Variants in ZDHHC3 observed in about 807,000 individuals in gnomAD.
ZDHHC3 encodes zDHHC palmitoyltransferase 3, also known as palmitoyltransferase ZDHHC3.
In ZDHHC3, 9 loss-of-function variants were observed where a neutral mutation model predicts 30.6. The observed-to-expected ratio is 0.29, with a 90% confidence interval of 0.18 to 0.51. The LOEUF (loss-of-function observed/expected upper bound fraction) is 0.51, where lower values mean the gene tolerates loss of function less well. ZDHHC3 is among the 20% of genes least tolerant of loss of function. The pLI is 0.97. For synonymous variants in ZDHHC3, 136 were observed against 140.2 expected (o/e 0.97, Z 0.21); for missense variants, 246 against 384.2 (o/e 0.64, Z 3.01).
chr3:44,930,477 C>G (rs1358104500), intron 5 of ZDHHC3, among the ~76,000 whole-genome samples: 2 of 152,194 alleles, frequency 1.3e-5, no homozygotes, highest in African/African-American at 4.8e-5. Flanking sequence ...TGGTTTATTT[C>G]TCGTTGCTTC....
chr3:44,926,864 T>C lies in ZDHHC3; in HGVS notation c.742-17A>G. On this transcript the variant is annotated splice_polypyrimidine_tract_variant and intron_variant, in intron 6 of 6. Transcript: ENST00000424952. ...TTCTATTCCCTGAAAACAAGAACAA[T>C]CATACTTTCAGTCAAGCACTGCATT... 6.3e-7 allele frequency: 1 copy of C among 1,592,872 alleles called. No homozygotes were observed. The highest frequency in any genetic ancestry group is 2.2e-5 in the East Asian group (1 of 44,650).
intron 2 of ZDHHC3, among the ~76,000 whole-genome samples, chr3:44,951,558 G>A (rs1266952863): frequency 1.3e-5 from 2 of 152,096 alleles, no homozygotes; most frequent in African/African-American, 2.4e-5. Context: ...CTGGACTCAC[G>A]GGTACCCACT....
chr3:44,941,081 T>C (rs1007405553), intron 3 of ZDHHC3, among the ~76,000 whole-genome samples: 9 of 152,114 alleles, frequency 5.9e-5, no homozygotes, highest in African/African-American at 2.2e-4. Flanking sequence ...AAGGGTCAGC[T>C]GAATGAAGTC....
intron 3 of ZDHHC3, among the ~76,000 whole-genome samples, chr3:44,941,310 T>C (rs1702421684): frequency 6.6e-6 from 1 of 152,078 alleles, no homozygotes; most frequent in Admixed American, 6.6e-5. Flanking sequence ...AGAAACGATT[T>C]TGGGAAGGAC....
intron 3 of ZDHHC3, among the ~76,000 whole-genome samples, chr3:44,936,857 CATAAA>C (rs1252788642): frequency 1.3e-5 from 2 of 149,762 alleles, no homozygotes; most frequent in African/African-American, 2.5e-5. Context: ...TACCCCCGAA[CATAAA>C]ATAAAAGTTA....
In ZDHHC3 at chr3:44,926,217, T is replaced by C. The variant is rs1700975428; in HGVS notation, c.*472A>G. 2 of 986,096 alleles carry C rather than the reference T, an allele frequency of 2.0e-6. No homozygotes were observed. The highest frequency in any genetic ancestry group is 2.4e-6 in the Non-Finnish European group (2 of 830,408). 61.1% of individuals were successfully genotyped at this position (986,096 alleles called of 1,614,324 possible). A position where few individuals can be genotyped will look rare whatever the true frequency, so the allele number is the denominator to read the frequency against. ...TCAGGCCTCAAGGGGTAAGCATCCA[T>C]CTTCGGTGAGGTTTTATGTCCCATC... is the stretch of plus-strand genomic sequence containing the variant. On this transcript the variant is annotated 3_prime_UTR_variant, in exon 7 of 7. Transcript: ENST00000424952.
intron 2 of ZDHHC3, among the ~76,000 whole-genome samples, chr3:44,953,751 T>G (rs1370358131): frequency 1.3e-5 from 2 of 152,134 alleles, no homozygotes; most frequent in Non-Finnish European, 2.9e-5. Flanking sequence ...CTTTTCCTGT[T>G]GGGATTTATA....
chr3:44,945,995 G>C (rs935088925), intron 2 of ZDHHC3, among the ~76,000 whole-genome samples: 3 of 152,006 alleles, frequency 2.0e-5, no homozygotes, highest in African/African-American at 7.3e-5. Flanking sequence ...CTATTTTTTG[G>C]TCTATATTAA....
At chr3:44,954,232 C>T (rs1703728542) in intron 2 of ZDHHC3, among the ~76,000 whole-genome samples, 1 of 152,114 alleles carries the variant, frequency 6.6e-6, no homozygotes, top group Non-Finnish European at 1.5e-5. Context: ...GGTAGACAGA[C>T]GAATTTTCTT....
chr3:44,945,649 C>G (rs1284328547), intron 2 of ZDHHC3, among the ~76,000 whole-genome samples: 1 of 151,934 alleles, frequency 6.6e-6, no homozygotes, highest in Non-Finnish European at 1.5e-5. Flanking sequence ...CCTCTGCCTC[C>G]TGGGTTCAAG....
At position 44,919,473 on chromosome 3, in the gene ZDHHC3, G is replaced by A. The variant is rs1700445059; in HGVS notation, c.*7216C>T. On this transcript the variant is annotated 3_prime_UTR_variant, in exon 7 of 7. Transcript: ENST00000424952. ...AGACCTGGTGGTTACAAAACATTGT[G>A]AATGCATTAAATGTACACTTTAAAA... The A allele has an allele frequency of 2.6e-5, 4 of 152,450 alleles. No homozygotes were observed. The South Asian group carries it at 8.3e-4, about 32-fold the overall frequency. 9.4% of individuals were successfully genotyped at this position (152,450 alleles called of 1,614,324 possible).
At chr3:44,973,009 C>T (rs544038110) in intron 1 of ZDHHC3, among the ~76,000 whole-genome samples, 7 of 152,304 alleles carry the variant, frequency 4.6e-5, no homozygotes, top group Admixed American at 1.3e-4. Context: ...TCTTATTCTG[C>T]TCATATATAA....
intron 1 of ZDHHC3, among the ~76,000 whole-genome samples, chr3:44,971,293 A>G (rs1346320272): frequency 6.6e-6 from 1 of 152,240 alleles, no homozygotes. Flanking sequence ...TACGAAGTCT[A>G]TGGTTTGGAG....
chr3:44,949,082 A>C (rs776918467), intron 2 of ZDHHC3, among the ~76,000 whole-genome samples: 2 of 151,852 alleles, frequency 1.3e-5, no homozygotes, highest in Non-Finnish European at 2.9e-5. Context: ...AAAGCATTTC[A>C]TTACTTTTTT....
chr3:44,949,725 T>C (rs571963707), intron 2 of ZDHHC3, among the ~76,000 whole-genome samples: 1 of 152,182 alleles, frequency 6.6e-6, no homozygotes, highest in African/African-American at 2.4e-5. Flanking sequence ...TTCATGAAGG[T>C]GAGGCAGGGC....
chr3:44,968,552 C>T lies in ZDHHC3; in HGVS notation c.-25+7381G>A, dbSNP rs534333898. On this transcript the variant is annotated intron_variant, in intron 1 of 6. Coordinates refer to ENST00000424952, the MANE Select transcript of ZDHHC3 (RefSeq NM_001135179.2). ...TCTACAAAAATCTTAAACAATTAGCCGAGCATGGTAGTGTGTGCTTATAGT... is the reference window on the plus strand; with the variant it reads ...TCTACAAAAATCTTAAACAATTAGCTGAGCATGGTAGTGTGTGCTTATAGT... Among the ~76,000 whole-genome samples the T allele has an allele frequency of 3.3e-5, 5 of 151,958 alleles. 1 individual carries two copies. The South Asian group carries it at 8.3e-4, about 25-fold the overall frequency.
Position 44,921,704 on chromosome 3 carries a change from G to GT in ZDHHC3, c.*4984dup, listed in dbSNP as rs1041078018. 2.1e-6 allele frequency: 2 copies of GT among 962,882 alleles called. No homozygotes were observed. The highest frequency in any genetic ancestry group is 3.5e-5 in the African/African-American group (2 of 56,688). 59.6% of individuals were successfully genotyped at this position (962,882 alleles called of 1,614,324 possible). A position where few individuals can be genotyped will look rare whatever the true frequency, so the allele number is the denominator to read the frequency against. On this transcript the variant is annotated 3_prime_UTR_variant, in exon 7 of 7. Coordinates refer to ENST00000424952, the MANE Select transcript of ZDHHC3 (RefSeq NM_001135179.2). ...CTTTGTGATTTAGATTATCATTCCC[G>GT]TTTTCAGATGAAAAAACTGAGGCTT...
In ZDHHC3 at chr3:44,920,327, T is replaced by C. The variant is rs1700507101; in HGVS notation, c.*6362A>G. The C allele has an allele frequency of 7.8e-7, 1 of 1,289,748 alleles. No individual in the cohort carries two copies. Among genetic ancestry groups the C allele is most frequent in the Non-Finnish European group, 1.0e-6 (1 of 988,830 alleles). The allele number at this position is 1,289,748 out of a possible 1,614,324, so 79.9% of individuals were successfully genotyped here. Reference sequence around the variant, plus strand: ...CATTCTGCATTCTCTTCCTGGGTGATCATCTGCAGCCTGTTGAGAAAGAGG... The same window carrying C: ...CATTCTGCATTCTCTTCCTGGGTGACCATCTGCAGCCTGTTGAGAAAGAGG... On this transcript the variant is annotated 3_prime_UTR_variant, in exon 7 of 7. Coordinates refer to ENST00000424952, the MANE Select transcript of ZDHHC3 (RefSeq NM_001135179.2).
intron 3 of ZDHHC3, among the ~76,000 whole-genome samples, chr3:44,942,447 G>A (rs9877753): frequency 0.51 from 77,078 of 152,052 alleles, 20,129 homozygotes; most frequent in East Asian, 0.88. Context: ...AAGCTGATCT[G>A]TTTACTAGCA....
Sources: gnomAD v4.1 joint callset for allele counts (sites outside exome capture counted in the v4.1 genomes callset) on GRCh38, gnomAD v4.1.1 for gene constraint, MANE v1.5 for transcripts, NCBI Gene and HGNC (gene_info 2026-07-23, HGNC 2026-07-21) for gene names.